SENP7: variants seen among roughly 807,000 people sequenced by gnomAD.
SENP7 encodes the protein sentrin-specific protease 7.
A neutral mutation model predicts 141.2 loss-of-function variants in SENP7; 64 were observed. That is an observed-to-expected ratio of 0.45 (90% confidence interval 0.37 to 0.56). SENP7 has a LOEUF of 0.56. SENP7 is among the 20% of genes least tolerant of loss of function. The pLI is 0.00. For missense variants in SENP7, 1,025 were observed against 1,212.2 expected (o/e 0.85, Z 2.29); for synonymous variants, 382 against 426.4 (o/e 0.90, Z 1.28).
At chr3:101,462,079 A>T (rs910198737) in intron 3 of SENP7, among the ~76,000 whole-genome samples, 1 of 152,232 alleles carries the variant, frequency 6.6e-6, no homozygotes, top group African/African-American at 2.4e-5. Context: ...GGGTAATGAA[A>T]AAGTTCTGAA....
chr3:101,501,645 T>G (rs1197468356), intron 1 of SENP7, among the ~76,000 whole-genome samples: 3 of 152,200 alleles, frequency 2.0e-5, no homozygotes, highest in Non-Finnish European at 4.4e-5. Context: ...TGGATTTTTC[T>G]GAGTTATAAC....
intron 1 of SENP7, among the ~76,000 whole-genome samples, chr3:101,508,477 T>G (rs187982227): frequency 6.6e-6 from 1 of 152,046 alleles, no homozygotes; most frequent in African/African-American, 2.4e-5. Context: ...CGGGCTCCTG[T>G]AGTCCCAGCT....
chr3:101,348,818 T>C (rs1367516829), intron 12 of SENP7, among the ~76,000 whole-genome samples: 1 of 151,848 alleles, frequency 6.6e-6, no homozygotes, highest in Non-Finnish European at 1.5e-5. Context: ...AAAAACTGAT[T>C]TAAAGAAGTC....
chr3:101,372,127 C>CA lies in SENP7; in HGVS notation c.678-2_678-1insT. 1 of 1,511,762 alleles carries CA rather than the reference C, an allele frequency of 6.6e-7. No individual in the cohort carries two copies. The highest frequency in any genetic ancestry group is 1.3e-5 in the South Asian group (1 of 77,470). The allele number at this position is 1,511,762 out of a possible 1,614,324, so 93.6% of individuals were successfully genotyped here. ...TACTGTCTTACTTCGTTGTGAGCCCCTGCAAAAGAGAACTGTATTATACTC... is the reference window on the plus strand; with the variant it reads ...TACTGTCTTACTTCGTTGTGAGCCCCATGCAAAAGAGAACTGTATTATACTC... On this transcript the variant is annotated splice_acceptor_variant, in intron 6 of 23. Coordinates refer to ENST00000394095, the MANE Select transcript of SENP7 (RefSeq NM_020654.5). LOFTEE classifies it high-confidence loss of function.
At chr3:101,420,375 A>AG (rs2061755567) in intron 4 of SENP7, among the ~76,000 whole-genome samples, 1 of 152,108 alleles carries the variant, frequency 6.6e-6, no homozygotes, top group South Asian at 2.1e-4. Context: ...CTCAAAAAAA[A>AG]AAAGTGATAG....
chr3:101,331,431 T>A (rs1476790353), intron 19 of SENP7, among the ~76,000 whole-genome samples: 1 of 147,456 alleles, frequency 6.8e-6, no homozygotes, highest in Admixed American at 6.8e-5. Context: ...TGCAATGAGC[T>A]ATAACTGAGC....
intron 4 of SENP7, among the ~76,000 whole-genome samples, chr3:101,447,014 A>C (rs556251297): frequency 6.6e-6 from 1 of 152,312 alleles, no homozygotes; most frequent in South Asian, 2.1e-4. Flanking sequence ...CCAACCAAGA[A>C]AAAAAGACCC....
intron 4 of SENP7, among the ~76,000 whole-genome samples, chr3:101,429,884 G>C (rs574218273): frequency 6.7e-6 from 1 of 150,112 alleles, no homozygotes; most frequent in Admixed American, 6.6e-5. Context: ...AGTTTACTGA[G>C]AGTTTTTAGC....
At chr3:101,391,550 A>C (rs1283700498) in intron 6 of SENP7, among the ~76,000 whole-genome samples, 1 of 152,180 alleles carries the variant, frequency 6.6e-6, no homozygotes, top group Non-Finnish European at 1.5e-5. Context: ...AGAAAGAGAA[A>C]ACCTGAACAT....
At chr3:101,396,818 AG>A (rs986762831) in intron 6 of SENP7, among the ~76,000 whole-genome samples, 1 of 152,120 alleles carries the variant, frequency 6.6e-6, no homozygotes, top group Non-Finnish European at 1.5e-5. Flanking sequence ...CAACGTGGAT[AG>A]GTACTTTTGT....
At chr3:101,376,661 C>A (rs2060341892) in intron 6 of SENP7, among the ~76,000 whole-genome samples, 1 of 152,000 alleles carries the variant, frequency 6.6e-6, no homozygotes, top group African/African-American at 2.4e-5. Flanking sequence ...GGAGGGATAG[C>A]ATTAGGAGAT....
rs147405151 is a variant in SENP7 at position 101,417,921 on chromosome 3, A to G, written c.285-131T>C. On this transcript the variant is annotated intron_variant, in intron 4 of 23. Transcript: ENST00000394095. ...GCAACTATAGTAAATACCCTAAGAAAAAAGAAAAAATGCCTAACTATTATC... is the reference window on the plus strand; with the variant it reads ...GCAACTATAGTAAATACCCTAAGAAGAAAGAAAAAATGCCTAACTATTATC... 637 of 669,110 alleles carry G rather than the reference A, an allele frequency of 9.5e-4. 12 individuals carry two copies. In the East Asian group the frequency reaches 0.018, roughly 18 times the overall value. 41.4% of individuals were successfully genotyped at this position (669,110 alleles called of 1,614,324 possible).
rs555178914 is a variant in SENP7, at chr3:101,513,075, T to A, written c.40+16A>T. On this transcript the variant is annotated intron_variant, in intron 1 of 23. Transcript: ENST00000394095. Reference sequence around the variant, plus strand: ...TAGGAGACAATATGTTCAGCCCTTCTCTGACCCTTTCTCACCGGATGAAGA... The same window carrying A: ...TAGGAGACAATATGTTCAGCCCTTCACTGACCCTTTCTCACCGGATGAAGA... The A allele has an allele frequency of 1.2e-5, 20 of 1,613,130 alleles. 1 individual carries two copies. In the African/African-American group the frequency reaches 2.1e-4, roughly 17 times the overall value.
intron 11 of SENP7, chr3:101,358,458 G>A: frequency 5.5e-6 from 2 of 363,172 alleles, no homozygotes; most frequent in South Asian, 2.5e-5. Flanking sequence ...CCTTTAACCA[G>A]CCCTCAACTC....
intron 6 of SENP7, among the ~76,000 whole-genome samples, chr3:101,388,391 T>C (rs2060719017): frequency 6.6e-6 from 1 of 152,200 alleles, no homozygotes; most frequent in Non-Finnish European, 1.5e-5. Context: ...ACGTTGATTA[T>C]AGCCAAAAAA....
At chr3:101,337,341 A>C in intron 17 of SENP7, 168 bp downstream of exon 17, 1 of 413,056 alleles carries the variant, frequency 2.4e-6, no homozygotes. Context: ...CATGGGCAGC[A>C]AAACAGTGGA....
At position 101,506,020 on chromosome 3, in the gene SENP7, A is replaced by ATT. The variant is rs61021808; in HGVS notation, c.41-4903_41-4902dup. ...CACTCATTCACTTATTTATTCCATA[A>ATT]TTTTTTTTTTTTTTTTTTGAGACGG... On this transcript the variant is annotated intron_variant, in intron 1 of 23. Transcript: ENST00000394095. 5.7e-3 allele frequency among the ~76,000 whole-genome samples: 805 copies of ATT among 141,190 alleles called. 12 individuals carry two copies. The highest frequency in any genetic ancestry group is 0.02 in the African/African-American group (756 of 38,010). The allele number at this position is 141,190 out of a possible 152,430, so 92.6% of individuals were successfully genotyped here.
At chr3:101,426,695 T>C (rs1297427457) in intron 4 of SENP7, among the ~76,000 whole-genome samples, 1 of 152,022 alleles carries the variant, frequency 6.6e-6, no homozygotes, top group Non-Finnish European at 1.5e-5. Context: ...TTGGCCAGCC[T>C]GATCTTGAAC....
chr3:101,386,365 T>A (rs1167197902), intron 6 of SENP7, among the ~76,000 whole-genome samples: 1 of 152,312 alleles, frequency 6.6e-6, no homozygotes, highest in African/African-American at 2.4e-5. Flanking sequence ...CCCTTGGCCC[T>A]GGCAGGACCT....
Sources: allele counts gnomAD v4.1 joint callset (sites outside exome capture counted in the v4.1 genomes callset), GRCh38; gene constraint gnomAD v4.1.1; transcripts MANE v1.5; gene names NCBI Gene and HGNC (gene_info 2026-07-23, HGNC 2026-07-21).